The following SLC7A14 variants were observed in gnomAD, a reference collection of about 807,000 sequenced individuals.
SLC7A14 encodes solute carrier family 7 member 14.
Under a neutral mutation model 60.2 loss-of-function variants are expected in SLC7A14, and 37 were observed. That is an observed-to-expected ratio of 0.61 (90% CI 0.47 to 0.81). The LOEUF is 0.81. Among genes scored for constraint, SLC7A14 ranks in the 30% least tolerant of loss-of-function variants. The probability of loss-of-function intolerance (pLI) is 0.00; values close to 1 mark genes in which losing one functional copy is unlikely to be tolerated. For missense variants in SLC7A14, 886 were observed against 982.7 expected (o/e 0.90, Z 1.32); for synonymous variants, 399 against 395.8 (o/e 1.01, Z -0.10).
chr3:170,486,374 T>C lies in SLC7A14; in HGVS notation c.760-6A>G. ...GTTGCTGCTCCTTGCAGCACCTGTG[T>C]GGATGATGGCATTTGTCAGACTCAG... is the stretch of plus-strand genomic sequence containing the variant. On this transcript the variant is annotated splice_region_variant and splice_polypyrimidine_tract_variant and intron_variant, in intron 4 of 7. Coordinates refer to ENST00000231706, the MANE Select transcript of SLC7A14 (RefSeq NM_020949.3). 1 of 1,614,190 alleles carries C rather than the reference T, an allele frequency of 6.2e-7. No homozygotes were observed. Among genetic ancestry groups the C allele is most frequent in the Non-Finnish European group, 8.5e-7 (1 of 1,180,028 alleles).
chr3:170,527,152 G>A (rs1713534837), intron 1 of SLC7A14, 64 bp from the exon 2 acceptor site: 2 of 589,574 alleles, frequency 3.4e-6, no homozygotes, highest in South Asian at 4.1e-5. Flanking sequence ...TGACTTGCGG[G>A]GATGGTTGGA....
At chr3:170,476,958 A>C (rs941837837) in intron 7 of SLC7A14, 1 of 152,236 alleles carries the variant, frequency 6.6e-6, no homozygotes, top group Non-Finnish European at 1.5e-5. Context: ...CTGGCTATAG[A>C]GTTTTCAATG....
At chr3:170,525,777 G>C (rs570323155) in intron 2 of SLC7A14, among the ~76,000 whole-genome samples, 34 of 152,160 alleles carry the variant, frequency 2.2e-4, no homozygotes, top group Admixed American at 1.6e-3. Flanking sequence ...AAAATAGGCC[G>C]GGAGCGGAGG....
rs1714452765 is a variant in SLC7A14 at position 170,555,124 on chromosome 3, C to T, written c.-152-28036G>A. On this transcript the variant is annotated intron_variant, in intron 1 of 7. Coordinates refer to ENST00000231706, the MANE Select transcript of SLC7A14 (RefSeq NM_020949.3). ...CGGAGGTTGCAGTGAGCCAAGATCA[C>T]ACCACTGCACTTCAGCCTGGGCAAC... is the stretch of plus-strand genomic sequence containing the variant. 2.0e-5 allele frequency among the ~76,000 whole-genome samples: 3 copies of T among 151,796 alleles called. No individual in the cohort carries two copies. The South Asian group carries it at 6.3e-4, about 32-fold the overall frequency.
intron 2 of SLC7A14, among the ~76,000 whole-genome samples, chr3:170,514,911 G>T (rs1044544024): frequency 2.0e-5 from 3 of 152,220 alleles, no homozygotes; most frequent in African/African-American, 7.2e-5. Flanking sequence ...TCACAAGATG[G>T]TTATGATGCA....
At chr3:170,548,813 G>A (rs1056567164) in intron 1 of SLC7A14, among the ~76,000 whole-genome samples, 1 of 152,178 alleles carries the variant, frequency 6.6e-6, no homozygotes. Flanking sequence ...TAGATCCTAT[G>A]TCACCACTAT....
chr3:170,474,974 C>A lies in SLC7A14; in HGVS notation c.1993+5315G>T, dbSNP rs371208150. Among the ~76,000 whole-genome samples, 25 of 152,328 alleles carry A rather than the reference C, an allele frequency of 1.6e-4. No individual in the cohort carries two copies. The South Asian group carries it at 3.7e-3, about 23-fold the overall frequency. On this transcript the variant is annotated intron_variant, in intron 7 of 7. Transcript: ENST00000231706. ...GGATGCCCTGGAAGATACCATGGTG[C>A]AGCATTCTCACTGAGCCCCTGCTAG...
rs1739733652 is a variant in SLC7A14 at position 170,466,972 on chromosome 3, C to A, written c.*83G>T. 5.7e-6 allele frequency: 7 copies of A among 1,225,084 alleles called. No homozygotes were observed. The highest frequency in any genetic ancestry group is 8.0e-6 in the Non-Finnish European group (7 of 878,028). 75.9% of individuals were successfully genotyped at this position (1,225,084 alleles called of 1,614,324 possible). On this transcript the variant is annotated 3_prime_UTR_variant, in exon 8 of 8. Coordinates refer to ENST00000231706, the MANE Select transcript of SLC7A14 (RefSeq NM_020949.3). ...GAAGGCTGGATTTGTGAAATGAGAGCCAAAAAAGTTTTCACCTTCTAGCCC... is the reference window on the plus strand; with the variant it reads ...GAAGGCTGGATTTGTGAAATGAGAGACAAAAAAGTTTTCACCTTCTAGCCC...
chr3:170,519,277 G>A (rs535228806), intron 2 of SLC7A14, among the ~76,000 whole-genome samples: 1 of 152,300 alleles, frequency 6.6e-6, no homozygotes, highest in African/African-American at 2.4e-5. Flanking sequence ...GAAGGCTTCA[G>A]GGTTTTGCAT....
In SLC7A14 at chr3:170,480,358, C is replaced by T. The variant is rs767567265; in HGVS notation, c.1924G>A (p.Val642Met). The T allele has an allele frequency of 1.2e-6, 2 of 1,600,338 alleles. No homozygotes were observed. Among genetic ancestry groups the T allele is most frequent in the Non-Finnish European group, 1.7e-6 (2 of 1,172,830 alleles). ...LPFVPAFAML[V>M]NIYLMLKLST... ...AGCTTTAGCATGAGATAGATGTTCA[C>T]CAGCATGGCAAAGGCAGGCACAAAG... The change falls in exon 7 of 8, where the codon GTG becomes ATG. Residue 642 changes from valine (V) to methionine (M), a missense_variant. Val to Met is a conservative substitution (Grantham distance 21, BLOSUM62 1). Coordinates refer to ENST00000231706, the MANE Select transcript of SLC7A14 (RefSeq NM_020949.3).
At chr3:170,530,296 A>G (rs1310161275) in intron 1 of SLC7A14, among the ~76,000 whole-genome samples, 1 of 152,156 alleles carries the variant, frequency 6.6e-6, no homozygotes, top group Non-Finnish European at 1.5e-5. Context: ...GTTCAAGAGG[A>G]TAGAGCGGGT....
chr3:170,578,079 T>G (rs1055332754), intron 1 of SLC7A14, among the ~76,000 whole-genome samples: 18 of 152,358 alleles, frequency 1.2e-4, no homozygotes, highest in African/African-American at 3.8e-4. Context: ...GCTAGAAGAC[T>G]CTACTGAACA....
chr3:170,472,487 C>T (rs1253946811), intron 7 of SLC7A14, among the ~76,000 whole-genome samples: 1 of 147,942 alleles, frequency 6.8e-6, no homozygotes, highest in Non-Finnish European at 1.5e-5. Flanking sequence ...GTTTAAAGGC[C>T]GGGCACGGTG....
intron 1 of SLC7A14, among the ~76,000 whole-genome samples, chr3:170,567,714 G>A (rs1714833431): frequency 6.6e-6 from 1 of 152,058 alleles, no homozygotes; most frequent in South Asian, 2.1e-4. Flanking sequence ...AGTGGTGTGA[G>A]ATGGTATCTC....
intron 1 of SLC7A14, among the ~76,000 whole-genome samples, chr3:170,538,207 C>T (rs913469611): frequency 1.3e-5 from 2 of 152,200 alleles, no homozygotes; most frequent in Admixed American, 1.3e-4. Flanking sequence ...ATCTGAGATA[C>T]TTCCTCCCCA....
At chr3:170,552,738 T>C (rs1187272193) in intron 1 of SLC7A14, among the ~76,000 whole-genome samples, 1 of 152,240 alleles carries the variant, frequency 6.6e-6, no homozygotes, top group African/African-American at 2.4e-5. Flanking sequence ...TGCATCCTTT[T>C]GCCTGTTTTC....
At chr3:170,507,265 T>C (rs1164437190) in intron 2 of SLC7A14, among the ~76,000 whole-genome samples, 2 of 152,220 alleles carry the variant, frequency 1.3e-5, no homozygotes, top group African/African-American at 4.8e-5. Context: ...AATGAGGAAG[T>C]GCAATGAATG....
At chr3:170,467,480 G>T (rs536656757) in intron 7 of SLC7A14, 103 bp from the exon 8 acceptor site, 18 of 677,206 alleles carry the variant, frequency 2.7e-5, no homozygotes, top group Non-Finnish European at 3.3e-5. Context: ...CTGGCGGGGT[G>T]GGGGGCGGTG....
chr3:170,563,710 C>T (rs555063137), intron 1 of SLC7A14, among the ~76,000 whole-genome samples: 3 of 152,150 alleles, frequency 2.0e-5, no homozygotes, highest in Non-Finnish European at 2.9e-5. Context: ...CGTAAGCCAC[C>T]GCGCCCGGCC....
Sources: allele counts gnomAD v4.1 joint callset (sites outside exome capture counted in the v4.1 genomes callset), GRCh38; gene constraint gnomAD v4.1.1; transcripts MANE v1.5; gene names NCBI Gene and HGNC (gene_info 2026-07-23, HGNC 2026-07-21).